SMG6: variants seen among roughly 807,000 people sequenced by gnomAD.
The protein encoded by SMG6 is SMG6 nonsense mediated mRNA decay factor.
SMG6 carries 66 observed loss-of-function variants against 142.2 expected under a neutral mutation model. The ratio of observed to expected loss-of-function variants is 0.46; its 90% CI spans 0.38 to 0.57. The LOEUF (loss-of-function observed/expected upper bound fraction) is 0.57. Ranked by LOEUF, SMG6 falls within the 20% of genes least tolerant of loss-of-function variation. The pLI, the probability that SMG6 is intolerant of heterozygous loss-of-function variation, is 0.00. For synonymous variants in SMG6, 779 were observed against 702.4 expected (o/e 1.11, Z -1.72); for missense variants, 1,793 against 1,832.0 (o/e 0.98, Z 0.39).
At chr17:2,245,560 T>C (rs1311428808) in intron 8 of SMG6, among the ~76,000 whole-genome samples, 3 of 152,188 alleles carry the variant, frequency 2.0e-5, no homozygotes, top group Admixed American at 1.3e-4. Context: ...AATTTTTGTA[T>C]TTTTAGAAGA....
chr17:2,194,532 A>G (rs1262264287), intron 10 of SMG6, among the ~76,000 whole-genome samples: 1 of 151,826 alleles, frequency 6.6e-6, no homozygotes, highest in Non-Finnish European at 1.5e-5. Flanking sequence ...CAGTGCACAG[A>G]TATGAAAATT....
intron 16 of SMG6, among the ~76,000 whole-genome samples, chr17:2,067,567 C>T (rs930425160): frequency 3.3e-5 from 5 of 152,296 alleles, no homozygotes; most frequent in African/African-American, 1.2e-4. Flanking sequence ...TTCTGCTGCC[C>T]TGCCTTGGTG....
intron 13 of SMG6, among the ~76,000 whole-genome samples, chr17:2,086,771 C>A (rs935793121): frequency 6.6e-6 from 1 of 152,216 alleles, no homozygotes; most frequent in African/African-American, 2.4e-5. Context: ...GTTTGCTTGG[C>A]TCACACTCTC....
chr17:2,163,756 T>C (rs2071249838), intron 13 of SMG6, among the ~76,000 whole-genome samples: 1 of 151,814 alleles, frequency 6.6e-6, no homozygotes. Flanking sequence ...AACTGGTAAC[T>C]CACCGCCCTT....
At chr17:2,293,074 TA>T in intron 4 of SMG6, 97 bp from the exon 5 acceptor site, 1 of 859,322 alleles carries the variant, frequency 1.2e-6, no homozygotes. Flanking sequence ...GTAGCACTCG[TA>T]AGGCACTAGC....
At chr17:2,067,737 C>T (rs544522881) in intron 16 of SMG6, among the ~76,000 whole-genome samples, 98 of 152,260 alleles carry the variant, frequency 6.4e-4, no homozygotes, top group African/African-American at 2.3e-3. Flanking sequence ...TCAGGTGGTG[C>T]TAACGTGTTT....
intron 13 of SMG6, among the ~76,000 whole-genome samples, chr17:2,120,762 GATACAAATT>G (rs1431142069): frequency 6.6e-6 from 1 of 152,114 alleles, no homozygotes; most frequent in Non-Finnish European, 1.5e-5. Context: ...TCATCAGGGA[GATACAAATT>G]AAAGCCAAAA....
chr17:2,108,973 C>T (rs1335257357), intron 13 of SMG6, among the ~76,000 whole-genome samples: 1 of 152,082 alleles, frequency 6.6e-6, no homozygotes, highest in Non-Finnish European at 1.5e-5. Flanking sequence ...CTCATTTAAT[C>T]CTTACTAAAA....
chr17:2,199,974 T>C (rs894514429), intron 10 of SMG6: 2 of 151,216 alleles, frequency 1.3e-5, no homozygotes, highest in African/African-American at 4.9e-5. Context: ...CAGGCTGGAG[T>C]GTAGTGGTAC....
intron 10 of SMG6, among the ~76,000 whole-genome samples, chr17:2,197,360 C>CT (rs1266388163): frequency 2.0e-5 from 3 of 151,886 alleles, no homozygotes; most frequent in African/African-American, 7.3e-5. Flanking sequence ...GCCCAGGAGT[C>CT]TGAGACCAGC....
At chr17:2,226,000 C>T (rs2073304816) in intron 10 of SMG6, among the ~76,000 whole-genome samples, 1 of 152,116 alleles carries the variant, frequency 6.6e-6, no homozygotes, top group Non-Finnish European at 1.5e-5. Context: ...ATAATAAAGA[C>T]AAACAACTTG....
Position 2,299,826 on chromosome 17 carries a change from A to C in SMG6, c.927T>G (p.Ile309Met). 6.2e-7 allele frequency: 1 copy of C among 1,614,126 alleles called. No homozygotes were observed. The highest frequency in any genetic ancestry group is 1.1e-5 in the South Asian group (1 of 91,088). The change falls in exon 2 of 19, where the codon ATT becomes ATG. Residue 309 changes from isoleucine to methionine, a missense_variant. Ile to Met is a conservative substitution (Grantham distance 10, BLOSUM62 1). Around this residue, in one of 3 missense-constraint regions of SMG6, gnomAD observed 1,597 missense variants for 1,584.6 expected, o/e 1.01. Coordinates refer to ENST00000263073, the MANE Select transcript of SMG6 (RefSeq NM_017575.5). The surrounding 1 kb of genome is among the most constrained non-coding windows in gnomAD (Gnocchi z 4.3). The stretch of plus-strand genomic sequence containing the variant: ...TGGGTCCTAATCCATCAGGCTCATC[A>C]ATTCTGTCCTCGTCTAAGGAATCGG... ...SSTDSLDEDR[I>M]DEPDGLGPRR...
chr17:2,064,072 T>G (rs1211099074), intron 18 of SMG6, among the ~76,000 whole-genome samples: 2 of 152,004 alleles, frequency 1.3e-5, no homozygotes, highest in Non-Finnish European at 2.9e-5. Context: ...TGTGTCTGTA[T>G]GGGGAGAGGA....
intron 13 of SMG6, among the ~76,000 whole-genome samples, chr17:2,126,823 G>A (rs1044981267): frequency 6.6e-6 from 1 of 152,048 alleles, no homozygotes; most frequent in African/African-American, 2.4e-5. Flanking sequence ...AGGCTATGGT[G>A]GGACGATCAC....
intron 13 of SMG6, among the ~76,000 whole-genome samples, chr17:2,092,182 C>T (rs779738523): frequency 1.2e-4 from 19 of 152,208 alleles, no homozygotes; most frequent in Non-Finnish European, 2.1e-4. Context: ...GACGGGGTTT[C>T]GCCATGTTGG....
At chr17:2,096,581 A>G (rs1351873732) in intron 13 of SMG6, among the ~76,000 whole-genome samples, 1 of 151,948 alleles carries the variant, frequency 6.6e-6, no homozygotes, top group Admixed American at 6.6e-5. Context: ...CATAGCTTTA[A>G]GTGATCCTCC....
rs188719357 is a variant in SMG6, at chr17:2,256,685, G to A, written c.2662-11966C>T. On this transcript the variant is annotated intron_variant, in intron 8 of 18. Coordinates refer to ENST00000263073, the MANE Select transcript of SMG6 (RefSeq NM_017575.5). Reference sequence around the variant, plus strand: ...AGCTACTTGTGAGGCTTAGGTGGGAGAACTGCTGGAGCCTGGGAGGCAGAG... The same window carrying A: ...AGCTACTTGTGAGGCTTAGGTGGGAAAACTGCTGGAGCCTGGGAGGCAGAG... Among the ~76,000 whole-genome samples the A allele has an allele frequency of 1.2e-4, 18 of 152,344 alleles. No homozygotes were observed. The East Asian group carries it at 3.5e-3, about 29-fold the overall frequency.
At chr17:2,066,652 T>TACACACACACAC (rs1161956483) in intron 16 of SMG6, among the ~76,000 whole-genome samples, 16,175 of 119,308 alleles carry the variant, frequency 0.14, 1,545 homozygotes, top group Admixed American at 0.17. Flanking sequence ...CATGTGGGAA[T>TACACACACACAC]ACACACACAC....
intron 9 of SMG6, among the ~76,000 whole-genome samples, chr17:2,242,379 A>AAAGAATAAGAAAGAAGC (rs2073826090): frequency 1.7e-5 from 2 of 115,792 alleles, no homozygotes; most frequent in African/African-American, 5.8e-5. Flanking sequence ...AAAAAAAAAA[A>AAAGAATAAGAAAGAAGC]ATTAGTCGGG....
Sources: allele counts gnomAD v4.1 joint callset (sites outside exome capture counted in the v4.1 genomes callset), GRCh38; gene constraint gnomAD v4.1.1; regional missense constraint gnomAD v4.1.1; non-coding constraint Gnocchi (gnomAD v3.1); transcripts MANE v1.5; gene names NCBI Gene and HGNC (gene_info 2026-07-23, HGNC 2026-07-21).